Variants in CAB39 observed in about 807,000 individuals in gnomAD.
CAB39 encodes calcium-binding protein 39.
In CAB39, 8 loss-of-function variants were observed where a neutral mutation model predicts 40.0. The ratio of observed to expected loss-of-function variants is 0.20; its 90% CI spans 0.12 to 0.36. The LOEUF (loss-of-function observed/expected upper bound fraction) is 0.36, where lower values mean the gene tolerates loss of function less well. Ranked by LOEUF, CAB39 falls within the 10% of genes least tolerant of loss-of-function variation. The probability of loss-of-function intolerance (pLI) is 1.00; values close to 1 mark genes in which losing one functional copy is unlikely to be tolerated. For synonymous variants in CAB39, 156 were observed against 141.6 expected, an observed-to-expected ratio of 1.10 and a Z score of -0.72; for missense variants, 270 against 401.1, an observed-to-expected ratio of 0.67 and a Z score of 2.79.
At chr2:230,736,735 A>C (rs1363195886) in intron 1 of CAB39, among the ~76,000 whole-genome samples, 2 of 152,098 alleles carry the variant, frequency 1.3e-5, no homozygotes, top group East Asian at 3.8e-4. Context: ...CAAAAACTTG[A>C]CCCTTCTCTG....
chr2:230,782,813 C>CTTTCTTTCTTTTTTTTTTTTTTTTT (rs1286339069), intron 2 of CAB39, among the ~76,000 whole-genome samples: 1 of 81,766 alleles, frequency 1.2e-5, no homozygotes, highest in African/African-American at 6.3e-5. Flanking sequence ...TTCTTTCTTT[C>CTTTCTTTCTTTTTTTTTTTTTTTTT]TTTTTTTTTT....
At chr2:230,814,288 G>C (rs1466901142) in intron 7 of CAB39, among the ~76,000 whole-genome samples, 174 bp downstream of exon 7, 4 of 152,152 alleles carry the variant, frequency 2.6e-5, no homozygotes, top group Admixed American at 2.6e-4. Context: ...TCCATGTGGA[G>C]CACTTTCCTG....
intron 2 of CAB39, among the ~76,000 whole-genome samples, chr2:230,773,298 G>A (rs80194329): frequency 3.0e-3 from 382 of 127,868 alleles, no homozygotes; most frequent in African/African-American, 0.012. Context: ...GGGTGTATGT[G>A]TATATATATA....
chr2:230,725,049 A>G, intron 1 of CAB39: 1 of 1,428,016 alleles, frequency 7.0e-7, no homozygotes. Flanking sequence ...GTACAACAAT[A>G]GCAATCTTTT....
intron 1 of CAB39, among the ~76,000 whole-genome samples, chr2:230,748,523 G>A (rs1391331660): frequency 6.6e-6 from 1 of 151,972 alleles, no homozygotes; most frequent in Non-Finnish European, 1.5e-5. Context: ...ATTACAAAAT[G>A]GGTTGGGTGC....
chr2:230,720,038 A>G (rs950296940), intron 1 of CAB39, among the ~76,000 whole-genome samples: 6 of 152,218 alleles, frequency 3.9e-5, no homozygotes, highest in African/African-American at 1.2e-4. Context: ...ATGAATAAAT[A>G]GTTAAGAACT....
chr2:230,756,657 GTTTGTTTATTTATTTA>G (rs762462700), intron 1 of CAB39, among the ~76,000 whole-genome samples: 21,535 of 134,618 alleles, frequency 0.16, 2,292 homozygotes, highest in African/African-American at 0.32. Flanking sequence ...GTTTCTAACT[GTTTGTTTATTTATTTA>G]TTTATTTATT....
chr2:230,800,158 T>G (rs1696063694), intron 5 of CAB39, among the ~76,000 whole-genome samples: 1 of 152,136 alleles, frequency 6.6e-6, no homozygotes, highest in East Asian at 1.9e-4. Flanking sequence ...ATTTTCATGA[T>G]TATGAAAAGC....
chr2:230,741,918 AC>A (rs1694884482), intron 1 of CAB39, among the ~76,000 whole-genome samples: 1 of 152,172 alleles, frequency 6.6e-6, no homozygotes, highest in African/African-American at 2.4e-5. Flanking sequence ...TTTGTCTATA[AC>A]TAAGCAGTGC....
intron 1 of CAB39, among the ~76,000 whole-genome samples, chr2:230,753,249 C>G (rs1695120706): frequency 6.6e-6 from 1 of 152,150 alleles, no homozygotes; most frequent in Non-Finnish European, 1.5e-5. Context: ...TGTAACTGTT[C>G]ATTTTATATG....
intron 5 of CAB39, among the ~76,000 whole-genome samples, chr2:230,805,048 C>T (rs556150387): frequency 6.6e-6 from 1 of 150,996 alleles, no homozygotes; most frequent in South Asian, 2.1e-4. Flanking sequence ...ACATATACAC[C>T]ATGGAATACT....
At chr2:230,816,277 T>TA (rs1340543040) in intron 7 of CAB39, among the ~76,000 whole-genome samples, 1 of 152,080 alleles carries the variant, frequency 6.6e-6, no homozygotes, top group Non-Finnish European at 1.5e-5. Context: ...TCTCAAAAAA[T>TA]AAAAAAAGAA....
intron 1 of CAB39, among the ~76,000 whole-genome samples, chr2:230,725,990 T>C (rs899333003): frequency 4.6e-5 from 7 of 152,200 alleles, no homozygotes; most frequent in Non-Finnish European, 1.0e-4. Context: ...AACTATTTCC[T>C]TTTTTAGTAG....
intron 7 of CAB39, 76 bp downstream of exon 7, chr2:230,814,190 T>A (rs1696358070): frequency 1.3e-6 from 1 of 753,546 alleles, no homozygotes; most frequent in South Asian, 1.8e-5. Context: ...AAGGGAGATG[T>A]GCAGGATGGG....
At chr2:230,727,236 TATATATAAA>T (rs961690554) in intron 1 of CAB39, among the ~76,000 whole-genome samples, 12 of 147,628 alleles carry the variant, frequency 8.1e-5, no homozygotes, top group Admixed American at 2.0e-4. Context: ...AATATTTAAA[TATATATAAA>T]TTGGAAGCGG....
intron 1 of CAB39, among the ~76,000 whole-genome samples, chr2:230,740,094 T>G (rs376206055): frequency 6.6e-6 from 1 of 152,220 alleles, no homozygotes. Flanking sequence ...TGTTTTCTTT[T>G]TATGAATATG....
chr2:230,769,477 A>C (rs892474370), intron 2 of CAB39, among the ~76,000 whole-genome samples: 3 of 152,242 alleles, frequency 2.0e-5, no homozygotes, highest in African/African-American at 7.2e-5. Context: ...TGAAGTTCAC[A>C]TGGAAGATCT....
At chr2:230,783,690 G>C (rs1695738389) in intron 2 of CAB39, among the ~76,000 whole-genome samples, 1 of 150,450 alleles carries the variant, frequency 6.6e-6, no homozygotes, top group Admixed American at 6.7e-5. Context: ...AGGAGAGATA[G>C]GGTCTCTCAC....
rs151027994 is a variant in CAB39, at chr2:230,769,157, A to G, written c.114+9042A>G. On this transcript the variant is annotated intron_variant, in intron 2 of 8. Transcript: ENST00000258418. Reference sequence around the variant, plus strand: ...CAGAGCAAAGAATATTACCAAGGGTAAAGAAAGTCATTTTATGATAAAGTA... The same window carrying G: ...CAGAGCAAAGAATATTACCAAGGGTGAAGAAAGTCATTTTATGATAAAGTA... Among the ~76,000 whole-genome samples the G allele has an allele frequency of 3.9e-3, 596 of 152,352 alleles. 6 individuals are homozygous for G. Among genetic ancestry groups the G allele is most frequent in the East Asian group, 0.039 (200 of 5,190 alleles).
Sources: gnomAD v4.1 joint callset for allele counts (sites outside exome capture counted in the v4.1 genomes callset) on GRCh38, gnomAD v4.1.1 for gene constraint, MANE v1.5 for transcripts, NCBI Gene and HGNC (gene_info 2026-07-23, HGNC 2026-07-21) for gene names.